RPA3: variants seen among roughly 807,000 people sequenced by gnomAD.
The protein encoded by RPA3 is replication protein A 14 kDa subunit.
Under a neutral mutation model 13.7 loss-of-function variants are expected in RPA3, and 24 were observed. The observed-to-expected ratio is 1.75, with a 90% CI of 1.27 to 2.46. The LOEUF (loss-of-function observed/expected upper bound fraction) is 2.46. Ranked by LOEUF, RPA3 falls within the 30% of genes most tolerant of loss-of-function variation. The pLI, the probability that RPA3 is intolerant of heterozygous loss-of-function variation, is 0.00. For missense variants in RPA3, 183 were observed against 151.0 expected (o/e 1.21, Z -1.11); for synonymous variants, 59 against 51.2 (o/e 1.15, Z -0.65).
intron 4 of RPA3, among the ~76,000 whole-genome samples, chr7:7,654,358 T>C (rs1226039541): frequency 6.6e-6 from 1 of 152,184 alleles, no homozygotes; most frequent in East Asian, 1.9e-4. Flanking sequence ...TAAAATTTTC[T>C]TAGGTGAAGT....
At chr7:7,653,248 T>C (rs1563086633) in intron 4 of RPA3, among the ~76,000 whole-genome samples, 3 of 152,244 alleles carry the variant, frequency 2.0e-5, no homozygotes, top group Admixed American at 6.5e-5. Flanking sequence ...GTGGCAGTTA[T>C]GCAGTTATAT....
chr7:7,690,224 A>G (rs1263488363), intron 2 of RPA3, among the ~76,000 whole-genome samples: 1 of 152,194 alleles, frequency 6.6e-6, no homozygotes, highest in African/African-American at 2.4e-5. Context: ...CATATTTTAA[A>G]TGTTACATAT....
chr7:7,694,013 A>T (rs1780243814), intron 2 of RPA3, among the ~76,000 whole-genome samples: 1 of 152,174 alleles, frequency 6.6e-6, no homozygotes, highest in Admixed American at 6.5e-5. Context: ...TTGTTGATAT[A>T]AGGCAACTGA....
In RPA3 at chr7:7,640,355, C is replaced by G. The variant is rs775457198; in HGVS notation, c.64G>C (p.Asp22His). The G allele has an allele frequency of 6.8e-6, 11 of 1,613,920 alleles. No individual in the cohort carries two copies. The East Asian group carries it at 2.5e-4, about 36-fold the overall frequency. ...CTCCCTACGAAGCAGACAGGCTTGTCGATGAATTGAGCTAGCATGCCGGCG... is the reference window on the plus strand; with the variant it reads ...CTCCCTACGAAGCAGACAGGCTTGTGGATGAATTGAGCTAGCATGCCGGCG... ...INAGMLAQFI[D>H]KPVCFVGRLE... is the part of the protein sequence containing the mutation. Residue 22 changes from aspartate (D) to histidine (H), a missense_variant, in exon 5 of 8, where the codon GAC (aspartate) becomes CAC (histidine). Physicochemically the swap from Asp to His is moderately conservative, Grantham distance 81. Coordinates refer to ENST00000223129, the MANE Select transcript of RPA3 (RefSeq NM_002947.5).
chr7:7,681,952 A>T (rs1484431012), intron 4 of RPA3, among the ~76,000 whole-genome samples: 1 of 152,186 alleles, frequency 6.6e-6, no homozygotes, highest in Non-Finnish European at 1.5e-5. Context: ...AAGAAGGAAA[A>T]ATAACAACAA....
rs192740041 is a variant in RPA3 at position 7,689,770 on chromosome 7, G to A, written c.-1027-2442C>T. 8.1e-4 allele frequency among the ~76,000 whole-genome samples: 124 copies of A among 152,240 alleles called. 1 individual carries two copies. Among genetic ancestry groups the A allele is most frequent in the Non-Finnish European group, 1.3e-3 (87 of 68,020 alleles). On this transcript the variant is annotated intron_variant, in intron 2 of 7. Coordinates refer to ENST00000223129, the MANE Select transcript of RPA3 (RefSeq NM_002947.5). ...TAAATGAAATTAATAGATTGTCAGA[G>A]TCATAAGTAAACATTTTGAATGGTA... is the stretch of plus-strand genomic sequence containing the variant.
At chr7:7,645,273 A>C (rs1245565892) in intron 4 of RPA3, among the ~76,000 whole-genome samples, 1 of 152,184 alleles carries the variant, frequency 6.6e-6, no homozygotes, top group Non-Finnish European at 1.5e-5. Flanking sequence ...AATAGTGTTT[A>C]AGTCAAGATG....
chr7:7,656,558 CAT>C (rs1446656614), intron 4 of RPA3, among the ~76,000 whole-genome samples: 2 of 150,356 alleles, frequency 1.3e-5, no homozygotes, highest in Non-Finnish European at 3.0e-5. Context: ...TAAGTGAAAA[CAT>C]GTGGTGTTTG....
Position 7,640,398 on chromosome 7 carries a change from C to T in RPA3, c.21G>A (p.Leu7=). The T allele has an allele frequency of 2.5e-6, 4 of 1,614,068 alleles. No individual in the cohort carries two copies. The highest frequency in any genetic ancestry group is 3.4e-6 in the Non-Finnish European group (4 of 1,180,028). MVDMMD[L]PRSRINAGML... ...TGCCGGCGTTGATGCGCGACCTGGG[C>T]AAGTCCATCATGTCCACCATGATTA... Residue 7 remains leucine, a synonymous_variant, in exon 5 of 8, where the codon TTG becomes TTA. Transcript: ENST00000223129.
Position 7,640,623 on chromosome 7 carries a change from A to C in RPA3, c.-205T>G. 1 of 573,088 alleles carries C rather than the reference A, an allele frequency of 1.7e-6. No homozygotes were observed. Among genetic ancestry groups the C allele is most frequent in the Non-Finnish European group, 3.1e-6 (1 of 322,070 alleles). The allele number at this position is 573,088 out of a possible 1,614,324, so 35.5% of individuals were successfully genotyped here. ...AGGGGCTGGATGAGTCCGGAAGTGG[A>C]GATTGGCTGCTTAGTGACGCGCGGC... On this transcript the variant is annotated 5_prime_UTR_variant, in exon 5 of 8. Coordinates refer to ENST00000223129, the MANE Select transcript of RPA3 (RefSeq NM_002947.5).
intron 2 of RPA3, among the ~76,000 whole-genome samples, chr7:7,713,919 C>T (rs1180597064): frequency 6.6e-6 from 1 of 152,174 alleles, no homozygotes; most frequent in Admixed American, 6.5e-5. Context: ...ACTGCAGCCT[C>T]GACCTCCTAG....
chr7:7,718,590 CTCTTA>C lies in RPA3; in HGVS notation c.-1160_-1156del, dbSNP rs1321031690. On this transcript the variant is annotated 5_prime_UTR_variant, in exon 1 of 8. Transcript: ENST00000223129. The stretch of plus-strand genomic sequence containing the variant: ...ACATCCAAAAATGTCCTCTTGGAGC[CTCTTA>C]TCTGAGTAGCTTCTGTGGATCTGAT... The C allele has an allele frequency of 1.3e-5, 2 of 152,170 alleles. No homozygotes were observed. Among genetic ancestry groups the C allele is most frequent in the African/African-American group, 4.8e-5 (2 of 41,444 alleles). 9.4% of individuals were successfully genotyped at this position (152,170 alleles called of 1,614,324 possible).
intron 4 of RPA3, among the ~76,000 whole-genome samples, chr7:7,675,171 C>T (rs1779708818): frequency 6.6e-6 from 1 of 152,178 alleles, no homozygotes; most frequent in Middle Eastern, 3.2e-3. Context: ...AGCCTCTTTT[C>T]TGTTGTCTTT....
At chr7:7,699,038 G>C (rs939163454) in intron 2 of RPA3, among the ~76,000 whole-genome samples, 20 of 122,740 alleles carry the variant, frequency 1.6e-4, no homozygotes, top group African/African-American at 6.3e-4. Context: ...TATAGTTTGT[G>C]TGTGTGTGTG....
chr7:7,659,003 G>A (rs1583702518), intron 4 of RPA3, among the ~76,000 whole-genome samples: 1 of 152,122 alleles, frequency 6.6e-6, no homozygotes, highest in Admixed American at 6.6e-5. Context: ...GGTCTATTCA[G>A]GGATTCGACT....
chr7:7,677,181 T>C (rs893520287), intron 4 of RPA3, among the ~76,000 whole-genome samples: 1 of 152,198 alleles, frequency 6.6e-6, no homozygotes, highest in Admixed American at 6.5e-5. Flanking sequence ...AGGCATATAA[T>C]GTGTAGTGAT....
chr7:7,663,249 T>C (rs1411894100), intron 4 of RPA3, among the ~76,000 whole-genome samples: 1 of 151,292 alleles, frequency 6.6e-6, no homozygotes, highest in Non-Finnish European at 1.5e-5. Flanking sequence ...GAACTTGCAG[T>C]TTGAAGCAAA....
At chr7:7,704,804 T>G (rs1056522738) in intron 2 of RPA3, among the ~76,000 whole-genome samples, 40 of 148,770 alleles carry the variant, frequency 2.7e-4, no homozygotes, top group Non-Finnish European at 5.4e-4. Context: ...GACTTGCTTC[T>G]GTACTTAAAT....
At chr7:7,677,203 A>G (rs1474844847) in intron 4 of RPA3, among the ~76,000 whole-genome samples, 1 of 152,186 alleles carries the variant, frequency 6.6e-6, no homozygotes, top group African/African-American at 2.4e-5. Flanking sequence ...AAATCAGGGT[A>G]ATTAGGATAT....
Sources: gnomAD v4.1 joint callset for allele counts (sites outside exome capture counted in the v4.1 genomes callset) on GRCh38, gnomAD v4.1.1 for gene constraint, MANE v1.5 for transcripts, NCBI Gene and HGNC (gene_info 2026-07-23, HGNC 2026-07-21) for gene names.